PUM1: variants seen among roughly 807,000 people sequenced by gnomAD.
The protein encoded by PUM1 is pumilio RNA binding family member 1, also known as pumilio homolog 1.
PUM1 carries 13 observed loss-of-function variants against 131.8 expected under a neutral mutation model. The observed-to-expected ratio is 0.10, with a 90% CI of 0.06 to 0.16. The LOEUF (loss-of-function observed/expected upper bound fraction) is 0.16, where lower values mean the gene tolerates loss of function less well. Among genes scored for constraint, PUM1 ranks in the 10% least tolerant of loss-of-function variants. The probability of loss-of-function intolerance (pLI) is 1.00; values close to 1 mark genes in which losing one functional copy is unlikely to be tolerated. For synonymous variants in PUM1, 509 were observed against 556.5 expected, an observed-to-expected ratio of 0.91 and a Z score of 1.20; for missense variants, 961 against 1,512.4, an observed-to-expected ratio of 0.64 and a Z score of 6.05.
chr1:30,983,757 C>CTTT (rs1557569909), intron 7 of PUM1, among the ~76,000 whole-genome samples: 3 of 121,116 alleles, frequency 2.5e-5, no homozygotes, highest in Admixed American at 8.0e-5. Context: ...CCACGCCTGG[C>CTTT]ATTTTTTTTT....
intron 2 of PUM1, chr1:31,055,350 T>C (rs1233542392): frequency 2.2e-6 from 1 of 456,212 alleles, no homozygotes; most frequent in East Asian, 6.9e-5. Context: ...TCTTCCCTCA[T>C]TCAATCAACA....
At position 30,952,674 on chromosome 1, in the gene PUM1, CGGGGGG is replaced by C. The variant is rs1457814000; in HGVS notation, c.2592-317_2592-312del. Among the ~76,000 whole-genome samples, 12 of 43,464 alleles carry C rather than the reference CGGGGGG, an allele frequency of 2.8e-4. No individual in the cohort carries two copies. The East Asian group carries it at 4.7e-3, about 17-fold the overall frequency. The allele number at this position is 43,464 out of a possible 152,430, so 28.5% of individuals were successfully genotyped here. On this transcript the variant is annotated intron_variant, in intron 15 of 21. Transcript: ENST00000426105. ...TGCAAGGTGGGAGGGAAGATGAAAGCGGGGGGGGCGGGGGGGGGGCGGGAGGGGCAG... is the reference window on the plus strand; with the variant it reads ...TGCAAGGTGGGAGGGAAGATGAAAGCGGCGGGGGGGGGGCGGGAGGGGCAG...
At chr1:31,064,849 A>G (rs1451159716) in intron 1 of PUM1, among the ~76,000 whole-genome samples, 1 of 151,376 alleles carries the variant, frequency 6.6e-6, no homozygotes, top group Non-Finnish European at 1.5e-5. Context: ...CAAGTAAAAC[A>G]AATGATCTAT....
rs190566326 is a variant in PUM1 at position 31,043,911 on chromosome 1, T to G, written c.364-15047A>C. On this transcript the variant is annotated intron_variant, in intron 2 of 21. Transcript: ENST00000426105. The stretch of plus-strand genomic sequence containing the variant: ...CACCTGCCCCTAGTGAAGAAATTTG[T>G]TATTTTTGTACCTATACATTACAAA... 1.3e-4 allele frequency among the ~76,000 whole-genome samples: 20 copies of G among 152,302 alleles called. No individual in the cohort carries two copies. In the East Asian group the frequency reaches 3.7e-3, roughly 28 times the overall value.
intron 9 of PUM1, among the ~76,000 whole-genome samples, chr1:30,975,874 G>A (rs1273095506): frequency 6.6e-6 from 1 of 151,996 alleles, no homozygotes; most frequent in Admixed American, 6.6e-5. Flanking sequence ...TTTGAGGTCA[G>A]GAGTTCGAGA....
intron 17 of PUM1, among the ~76,000 whole-genome samples, chr1:30,946,401 G>A (rs1000709398): frequency 3.4e-4 from 51 of 151,168 alleles, no homozygotes; most frequent in African/African-American, 1.1e-3. Flanking sequence ...CAATTTGGGA[G>A]GCCTAGGTGG....
At chr1:30,937,618 A>G (rs556480206) in intron 20 of PUM1, among the ~76,000 whole-genome samples, 4 of 152,034 alleles carry the variant, frequency 2.6e-5, no homozygotes, top group Non-Finnish European at 4.4e-5. Flanking sequence ...AAAAATAGAA[A>G]TTTTAGAAAA....
chr1:31,024,644 A>C (rs1450388401), intron 3 of PUM1, among the ~76,000 whole-genome samples: 1 of 152,200 alleles, frequency 6.6e-6, no homozygotes, highest in Non-Finnish European at 1.5e-5. Flanking sequence ...ACTACACATA[A>C]AACATTAAAG....
chr1:30,979,515 C>A (rs1241651398), intron 9 of PUM1, among the ~76,000 whole-genome samples: 1 of 151,966 alleles, frequency 6.6e-6, no homozygotes, highest in African/African-American at 2.4e-5. Flanking sequence ...CAAAACACCA[C>A]CACCCCCACC....
chr1:31,055,562 G>T (rs144366395), intron 2 of PUM1, among the ~76,000 whole-genome samples: 15 of 152,256 alleles, frequency 9.9e-5, no homozygotes, highest in African/African-American at 2.9e-4. Flanking sequence ...TATTTCATGC[G>T]TCCAGCCCAA....
intron 21 of PUM1, among the ~76,000 whole-genome samples, chr1:30,934,184 G>A (rs561440077): frequency 1.3e-5 from 2 of 152,274 alleles, no homozygotes; most frequent in South Asian, 4.1e-4. Context: ...AAACTTGAGA[G>A]GTGCTTCTTC....
chr1:31,050,961 G>T, intron 2 of PUM1: 1 of 172,496 alleles, frequency 5.8e-6, no homozygotes, highest in South Asian at 1.1e-4. Context: ...AGCAAGATCT[G>T]ATCCAAATTA....
At chr1:30,935,489 G>A (rs1050795616) in intron 21 of PUM1, among the ~76,000 whole-genome samples, 2 of 152,170 alleles carry the variant, frequency 1.3e-5, no homozygotes, top group Non-Finnish European at 2.9e-5. Context: ...TGTACAACAG[G>A]TGTTTAGCAC....
chr1:31,019,393 T>A (rs1369632273), intron 3 of PUM1, among the ~76,000 whole-genome samples: 1 of 152,146 alleles, frequency 6.6e-6, no homozygotes, highest in Non-Finnish European at 1.5e-5. Flanking sequence ...CAACCACAAA[T>A]TAGATATTAG....
chr1:30,953,256 T>C (rs1282139285), intron 15 of PUM1, among the ~76,000 whole-genome samples: 1 of 152,166 alleles, frequency 6.6e-6, no homozygotes, highest in African/African-American at 2.4e-5. Flanking sequence ...AGGATGGGTG[T>C]TGTCACCATA....
chr1:30,933,435 CACAT>C (rs1321925521), intron 21 of PUM1, 93 bp from the exon 22 acceptor site: 119 of 871,138 alleles, frequency 1.4e-4, no homozygotes, highest in Middle Eastern at 9.3e-4. Flanking sequence ...GCATCACACA[CACAT>C]ACACACACAC....
intron 2 of PUM1, among the ~76,000 whole-genome samples, chr1:31,033,153 C>T (rs958054569): frequency 6.6e-6 from 1 of 151,368 alleles, no homozygotes; most frequent in African/African-American, 2.4e-5. Flanking sequence ...ATTAGGAGAC[C>T]ATATTGGTTA....
At chr1:31,023,081 G>A (rs1643091710) in intron 3 of PUM1, among the ~76,000 whole-genome samples, 1 of 151,996 alleles carries the variant, frequency 6.6e-6, no homozygotes, top group South Asian at 2.1e-4. Context: ...GGCTGAGGCA[G>A]GAGAATTGCT....
intron 2 of PUM1, among the ~76,000 whole-genome samples, chr1:31,057,096 C>T (rs1644257975): frequency 6.6e-6 from 1 of 152,116 alleles, no homozygotes; most frequent in South Asian, 2.1e-4. Context: ...CCCAGCCTGT[C>T]TTTGTTTCGA....
Sources: gnomAD v4.1 joint callset for allele counts (sites outside exome capture counted in the v4.1 genomes callset) on GRCh38, gnomAD v4.1.1 for gene constraint, MANE v1.5 for transcripts, NCBI Gene and HGNC (gene_info 2026-07-23, HGNC 2026-07-21) for gene names.